RAB11FIP4: variants seen among roughly 807,000 people sequenced by gnomAD.
The protein encoded by RAB11FIP4 is RAB11 family interacting protein 4, also known as rab11 family-interacting protein 4.
In RAB11FIP4, 23 loss-of-function variants were observed where a neutral mutation model predicts 74.3. The ratio of observed to expected loss-of-function variants is 0.31; its 90% CI spans 0.22 to 0.44. The LOEUF is 0.44. RAB11FIP4 is among the 20% of genes least tolerant of loss of function. The pLI is 1.00. For missense variants in RAB11FIP4, 630 were observed against 863.9 expected, an observed-to-expected ratio of 0.73 and a Z score of 3.39; for synonymous variants, 360 against 359.9, an observed-to-expected ratio of 1.00 and a Z score of 0.00.
chr17:31,414,922 G>A (rs2071132822), intron 1 of RAB11FIP4, among the ~76,000 whole-genome samples: 1 of 152,192 alleles, frequency 6.6e-6, no homozygotes, highest in Non-Finnish European at 1.5e-5. Flanking sequence ...GCAGCTCCAG[G>A]GCTGGTTCCT....
At chr17:31,418,641 T>G (rs2071170814) in intron 1 of RAB11FIP4, among the ~76,000 whole-genome samples, 1 of 151,892 alleles carries the variant, frequency 6.6e-6, no homozygotes. Flanking sequence ...TTTTGTTCAT[T>G]TTTTGCAGAG....
Position 31,531,793 on chromosome 17 carries a change from A to T in RAB11FIP4, c.*61A>T. The T allele has an allele frequency of 9.0e-6, 10 of 1,105,948 alleles. No homozygotes were observed. The highest frequency in any genetic ancestry group is 1.4e-5 in the Non-Finnish European group (10 of 724,306). The allele number at this position is 1,105,948 out of a possible 1,614,324, so 68.5% of individuals were successfully genotyped here. Reference sequence around the variant, plus strand: ...TGGGACCAAGGGCAGACCCTGCCCAAGGATGCAGGCCTAAGCCGGGCCTCA... The same window carrying T: ...TGGGACCAAGGGCAGACCCTGCCCATGGATGCAGGCCTAAGCCGGGCCTCA... On this transcript the variant is annotated 3_prime_UTR_variant, in exon 15 of 15. Coordinates refer to ENST00000621161, the MANE Select transcript of RAB11FIP4 (RefSeq NM_032932.6).
intron 13 of RAB11FIP4, among the ~76,000 whole-genome samples, chr17:31,529,843 T>C (rs1285399961): frequency 6.6e-6 from 1 of 152,318 alleles, no homozygotes; most frequent in East Asian, 1.9e-4. Flanking sequence ...ATTAGGGCTC[T>C]TTAGGCAAAA....
intron 1 of RAB11FIP4, among the ~76,000 whole-genome samples, chr17:31,407,902 G>T (rs2071057600): frequency 6.6e-6 from 1 of 152,050 alleles, no homozygotes; most frequent in Non-Finnish European, 1.5e-5. Flanking sequence ...AATAGTTTTA[G>T]CATCCACTGA....
At chr17:31,475,068 A>C (rs2071778300) in intron 3 of RAB11FIP4, among the ~76,000 whole-genome samples, 1 of 152,124 alleles carries the variant, frequency 6.6e-6, no homozygotes, top group Admixed American at 6.6e-5. Context: ...GAAATGGATG[A>C]TTCAGAAGGG....
rs2142837891 is a variant in RAB11FIP4 at position 31,532,607 on chromosome 17, T to A, written c.*875T>A. 1 of 152,442 alleles carries A rather than the reference T, an allele frequency of 6.6e-6. No homozygotes were observed. Among genetic ancestry groups the A allele is most frequent in the Admixed American group, 6.5e-5 (1 of 15,284 alleles). The allele number at this position is 152,442 out of a possible 1,614,324, so 9.4% of individuals were successfully genotyped here. A position where few individuals can be genotyped will look rare whatever the true frequency, so the allele number is the denominator to read the frequency against. On this transcript the variant is annotated 3_prime_UTR_variant, in exon 15 of 15. Transcript: ENST00000621161. Reference sequence around the variant, plus strand: ...GTTTTGGGGAGGAACACAACTCCCATCCCAGTCAGTTTCCTTCCCATGGCT... The same window carrying A: ...GTTTTGGGGAGGAACACAACTCCCAACCCAGTCAGTTTCCTTCCCATGGCT...
intron 1 of RAB11FIP4, among the ~76,000 whole-genome samples, chr17:31,418,934 T>C (rs1019316703): frequency 6.6e-6 from 1 of 152,216 alleles, no homozygotes; most frequent in Non-Finnish European, 1.5e-5. Context: ...TCTCTCCGGC[T>C]GCTCCTTTGT....
intron 1 of RAB11FIP4, among the ~76,000 whole-genome samples, chr17:31,414,002 T>A (rs1296246834): frequency 6.6e-6 from 1 of 152,234 alleles, no homozygotes; most frequent in Non-Finnish European, 1.5e-5. Flanking sequence ...AGGCATGCTC[T>A]GCCTATGAAA....
chr17:31,425,273 T>C (rs1487539329), intron 1 of RAB11FIP4, among the ~76,000 whole-genome samples: 1 of 152,266 alleles, frequency 6.6e-6, no homozygotes, highest in Non-Finnish European at 1.5e-5. Context: ...GAAGGCTCGC[T>C]AAGCATTTGC....
In RAB11FIP4 at chr17:31,432,260, G is replaced by A. The variant is rs1030711289; in HGVS notation, c.247+360G>A. Among the ~76,000 whole-genome samples, 9 of 152,082 alleles carry A rather than the reference G, an allele frequency of 5.9e-5. No homozygotes were observed. In the South Asian group the frequency reaches 1.9e-3, roughly 32 times the overall value. On this transcript the variant is annotated intron_variant, in intron 2 of 14. Transcript: ENST00000621161. ...GGGAGGGACTCCACTTTTAAGACCA[G>A]GGCAGTCCTGGGCAAACCTGGACAA...
At chr17:31,426,621 G>T (rs112045069) in intron 1 of RAB11FIP4, among the ~76,000 whole-genome samples, 1,021 of 91,884 alleles carry the variant, frequency 0.011, 9 homozygotes, top group African/African-American at 0.038. Context: ...TTTTTGAGAC[G>T]GAATTTTGCT....
At chr17:31,430,355 T>A (rs1401443480) in intron 1 of RAB11FIP4, among the ~76,000 whole-genome samples, 1 of 86,914 alleles carries the variant, frequency 1.2e-5, no homozygotes, top group Non-Finnish European at 2.6e-5. Flanking sequence ...AGTTTGGATT[T>A]TTTTTTTTTT....
intron 3 of RAB11FIP4, among the ~76,000 whole-genome samples, chr17:31,505,449 A>ATG (rs1567680995): frequency 1.2e-5 from 1 of 85,068 alleles, no homozygotes; most frequent in African/African-American, 4.4e-5. Flanking sequence ...TATAATATAT[A>ATG]ATAATTATTA....
At position 31,528,418 on chromosome 17, in the gene RAB11FIP4, A is replaced by T. The variant is rs779704837; in HGVS notation, c.1369A>T (p.Met457Leu). 1 of 1,612,862 alleles carries T rather than the reference A, an allele frequency of 6.2e-7. No individual in the cohort carries two copies. Among genetic ancestry groups the T allele is most frequent in the Admixed American group, 1.7e-5 (1 of 60,012 alleles). The change falls in exon 12 of 15, where the codon ATG (methionine) becomes TTG (leucine). Residue 457 changes from methionine to leucine, a missense_variant. Transcript: ENST00000621161. ...TEKLDEERQR[M>L]SDRLEDTSLR... ...CTCCCTGCTCCAGGAGCGGCAGCGC[A>T]TGTCTGACCGTCTGGAGGACACCAG...
At chr17:31,488,132 C>T in intron 3 of RAB11FIP4, 3 of 1,038,288 alleles carry the variant, frequency 2.9e-6, no homozygotes, top group Non-Finnish European at 2.3e-6. Context: ...GTGCGAGCGG[C>T]AGCGGCGCGG....
intron 3 of RAB11FIP4, among the ~76,000 whole-genome samples, chr17:31,439,394 G>C (rs182560933): frequency 2.6e-5 from 4 of 152,308 alleles, no homozygotes; most frequent in Non-Finnish European, 4.4e-5. Context: ...CCATCCACCT[G>C]CTGGTCTCCG....
intron 3 of RAB11FIP4, 29 bp downstream of exon 3, chr17:31,434,151 C>T (rs1312121809): frequency 1.3e-6 from 2 of 1,521,774 alleles, no homozygotes; most frequent in Non-Finnish European, 1.8e-6. Context: ...CAAGGACCTC[C>T]ATGGCTCTGC....
intron 3 of RAB11FIP4, among the ~76,000 whole-genome samples, chr17:31,484,375 A>G (rs7221429): frequency 1 from 151,285 of 151,660 alleles, 75,456 homozygotes; most frequent in Middle Eastern, 1. Context: ...CGGGCCTGAC[A>G]TTGTCTCTTT....
chr17:31,514,032 A>C (rs1307454185), intron 3 of RAB11FIP4, among the ~76,000 whole-genome samples: 4 of 152,212 alleles, frequency 2.6e-5, no homozygotes, highest in African/African-American at 9.6e-5. Context: ...GAGCTTGCTG[A>C]AGGGCTGGGC....
Sources: gnomAD v4.1 joint callset for allele counts (sites outside exome capture counted in the v4.1 genomes callset) on GRCh38, gnomAD v4.1.1 for gene constraint, MANE v1.5 for transcripts, NCBI Gene and HGNC (gene_info 2026-07-23, HGNC 2026-07-21) for gene names.